The following MDGA2 variants were observed in gnomAD, a reference collection of about 807,000 sequenced individuals.
MDGA2 encodes MAM domain-containing glycosylphosphatidylinositol anchor protein 2.
A neutral mutation model predicts 117.8 loss-of-function variants in MDGA2; 40 were observed. That is an observed-to-expected ratio of 0.34 (90% CI 0.26 to 0.44). The LOEUF (loss-of-function observed/expected upper bound fraction) is 0.44, where lower values mean the gene tolerates loss of function less well. Among genes scored for constraint, MDGA2 ranks in the 20% least tolerant of loss-of-function variants. The pLI is 1.00. For missense variants in MDGA2, 1,123 were observed against 1,250.6 expected (o/e 0.90, Z 1.54); for synonymous variants, 452 against 439.0 (o/e 1.03, Z -0.37).
chr14:46,979,900 C>A (rs1167905219), intron 8 of MDGA2, among the ~76,000 whole-genome samples: 1 of 152,296 alleles, frequency 6.6e-6, no homozygotes, highest in East Asian at 1.9e-4. Flanking sequence ...CTACACCAAA[C>A]AACAGATTTT....
chr14:47,297,922 A>G (rs182840423), intron 2 of MDGA2, among the ~76,000 whole-genome samples: 1 of 152,296 alleles, frequency 6.6e-6, no homozygotes, highest in East Asian at 1.9e-4. Context: ...TAATAAAGCC[A>G]ACATATGTTT....
chr14:46,877,679 G>A (rs1353626496), intron 11 of MDGA2, among the ~76,000 whole-genome samples, 170 bp from the exon 12 acceptor site: 1 of 151,732 alleles, frequency 6.6e-6, no homozygotes, highest in Non-Finnish European at 1.5e-5. Context: ...TTGTTTTAGA[G>A]GATTGAATAT....
chr14:47,361,035 C>T (rs1891108644), intron 1 of MDGA2, among the ~76,000 whole-genome samples: 1 of 152,038 alleles, frequency 6.6e-6, no homozygotes, highest in Non-Finnish European at 1.5e-5. Context: ...TATAGTCAAT[C>T]ATTGCATAAT....
chr14:47,150,524 T>G (rs533683370), intron 3 of MDGA2, among the ~76,000 whole-genome samples: 139 of 152,292 alleles, frequency 9.1e-4, no homozygotes, highest in African/African-American at 3.2e-3. Context: ...TCCTCTGAAT[T>G]CCTCAGAAGC....
chr14:46,962,736 C>G (rs1885861309), intron 8 of MDGA2, among the ~76,000 whole-genome samples: 1 of 152,060 alleles, frequency 6.6e-6, no homozygotes, highest in Admixed American at 6.6e-5. Flanking sequence ...GGATCTTAAA[C>G]TCAGAAGAAA....
At chr14:46,905,438 T>C (rs754440031) in intron 10 of MDGA2, among the ~76,000 whole-genome samples, 2 of 152,192 alleles carry the variant, frequency 1.3e-5, no homozygotes, top group Non-Finnish European at 2.9e-5. Flanking sequence ...TTAAGTCGTT[T>C]TGAGATTGCG....
intron 11 of MDGA2, among the ~76,000 whole-genome samples, chr14:46,880,922 C>T (rs2138386926): frequency 6.6e-6 from 1 of 150,858 alleles, no homozygotes; most frequent in South Asian, 2.1e-4. Flanking sequence ...CAAAGTTCTG[C>T]ACTAATTTCT....
chr14:46,987,082 T>C (rs1349584429), intron 8 of MDGA2, among the ~76,000 whole-genome samples: 1 of 152,126 alleles, frequency 6.6e-6, no homozygotes, highest in African/African-American at 2.4e-5. Flanking sequence ...TAACAGTTCA[T>C]GATAGTGACA....
intron 9 of MDGA2, among the ~76,000 whole-genome samples, chr14:46,953,545 C>T (rs8016384): frequency 0.12 from 17,860 of 151,848 alleles, 1,996 homozygotes; most frequent in African/African-American, 0.27. Context: ...GTAATAAATG[C>T]ATATGCTTAG....
chr14:47,476,294 C>T (rs1284769709), intron 1 of MDGA2, among the ~76,000 whole-genome samples: 1 of 151,802 alleles, frequency 6.6e-6, no homozygotes. Flanking sequence ...TAACAAAACT[C>T]TCATAAATGT....
intron 1 of MDGA2, among the ~76,000 whole-genome samples, chr14:47,581,427 A>C (rs1263481825): frequency 6.6e-6 from 1 of 152,014 alleles, no homozygotes; most frequent in Admixed American, 6.6e-5. Context: ...AAATATGTTC[A>C]AATATAGTCT....
At chr14:47,077,806 G>A (rs757784985) in intron 6 of MDGA2, among the ~76,000 whole-genome samples, 25 of 151,882 alleles carry the variant, frequency 1.6e-4, no homozygotes, top group Non-Finnish European at 3.5e-4. Context: ...GGAAAACATG[G>A]TCAATTATAA....
intron 8 of MDGA2, among the ~76,000 whole-genome samples, chr14:46,981,000 T>G (rs1458558769): frequency 6.6e-6 from 1 of 152,212 alleles, no homozygotes; most frequent in Non-Finnish European, 1.5e-5. Flanking sequence ...TTCTGACTTT[T>G]GACCATCTTT....
At position 47,376,638 on chromosome 14, in the gene MDGA2, T is replaced by C. The variant is rs1393491065; in HGVS notation, c.281-75088A>G. ...CTTCAACCCCTTTGATTTTGAGTTA[T>C]CGTTCTTACTCTCCATTTTCCTGTC... On this transcript the variant is annotated intron_variant, in intron 1 of 16. Transcript: ENST00000399232. 3.9e-5 allele frequency among the ~76,000 whole-genome samples: 6 copies of C among 152,210 alleles called. No homozygotes were observed. The East Asian group carries it at 7.7e-4, about 20-fold the overall frequency.
At chr14:46,875,945 A>G (rs1882211628) in intron 12 of MDGA2, among the ~76,000 whole-genome samples, 1 of 151,566 alleles carries the variant, frequency 6.6e-6, no homozygotes, top group African/African-American at 2.4e-5. Flanking sequence ...AACTTGGTTA[A>G]AAAGAGAAAA....
At chr14:47,536,893 C>T (rs1895223073) in intron 1 of MDGA2, among the ~76,000 whole-genome samples, 1 of 152,156 alleles carries the variant, frequency 6.6e-6, no homozygotes. Flanking sequence ...CAAGAGATTT[C>T]AGAGGTCCAA....
At chr14:46,940,261 C>T (rs1299222002) in intron 9 of MDGA2, among the ~76,000 whole-genome samples, 1 of 152,088 alleles carries the variant, frequency 6.6e-6, no homozygotes, top group Non-Finnish European at 1.5e-5. Context: ...ATATTTAACT[C>T]AAGAATAATA....
intron 1 of MDGA2, among the ~76,000 whole-genome samples, chr14:47,560,076 T>G (rs1017334645): frequency 7.9e-5 from 12 of 151,814 alleles, no homozygotes; most frequent in Non-Finnish European, 1.3e-4. Context: ...CTTAGGATTT[T>G]TTTTTTTTTT....
At chr14:46,975,768 G>C (rs780272908) in intron 8 of MDGA2, among the ~76,000 whole-genome samples, 8 of 151,986 alleles carry the variant, frequency 5.3e-5, no homozygotes, top group Non-Finnish European at 8.8e-5. Context: ...ATTTCTCAGA[G>C]TTCTAAAGGC....
Sources: allele counts gnomAD v4.1 joint callset (sites outside exome capture counted in the v4.1 genomes callset), GRCh38; gene constraint gnomAD v4.1.1; transcripts MANE v1.5; gene names NCBI Gene and HGNC (gene_info 2026-07-23, HGNC 2026-07-21).